TMEM200C: variants seen among roughly 807,000 people sequenced by gnomAD.
TMEM200C encodes transmembrane protein TTMA.
For synonymous variants in TMEM200C, 462 were observed against 324.7 expected, an observed-to-expected ratio of 1.42 and a Z score of -4.55; for missense variants, 966 against 699.9, an observed-to-expected ratio of 1.38 and a Z score of -4.29.
chr18:5,891,173 C>A lies in TMEM200C; in HGVS notation c.891G>T (p.Arg297=). ...CCAGGTCCGGCGGGGACGCGGCGCC[C>A]CGAGGGCGGCCGCCGCTCGGCGCCG... is the stretch of plus-strand genomic sequence containing the variant. Residue 297 remains arginine (R), a synonymous_variant, in exon 3 of 3, where the codon CGG becomes CGT. Coordinates refer to ENST00000581347, the Ensembl canonical transcript of TMEM200C. The surrounding 1 kb of genome is among the most constrained non-coding windows in gnomAD (Gnocchi z 4.7). 1.5e-6 allele frequency: 1 copy of A among 687,732 alleles called. No individual in the cohort carries two copies. Among genetic ancestry groups the A allele is most frequent in the African/African-American group, 1.9e-5 (1 of 53,130 alleles). The allele number at this position is 687,732 out of a possible 1,614,324, so 42.6% of individuals were successfully genotyped here.
At chr18:5,883,905 A>G (rs2095163503) in exon 3 of TMEM200C, 2 of 152,168 alleles carry the variant, frequency 1.3e-5, no homozygotes, top group Non-Finnish European at 2.9e-5. Flanking sequence ...ATTTTAAAGC[A>G]ATGTATAATT....
Position 5,895,091 on chromosome 18 carries a change from T to C in TMEM200C, c.-156A>G, listed in dbSNP as rs1599528682. 2 of 151,904 alleles carry C rather than the reference T, an allele frequency of 1.3e-5. No homozygotes were observed. The highest frequency in any genetic ancestry group is 2.1e-4 in the South Asian group (1 of 4,818). 9.4% of individuals were successfully genotyped at this position (151,904 alleles called of 1,614,324 possible). ...GCGCTCGGGCGACACAAAGGAACCA[T>C]GGAGAAACTTTTTCAGCCCGAGCCG... On this transcript the variant is annotated 5_prime_UTR_variant, in exon 2 of 3. An upstream start codon of the reference 5' UTR is lost. Coordinates refer to ENST00000581347, the Ensembl canonical transcript of TMEM200C.
exon 3 of TMEM200C, chr18:5,887,336 A>G (rs2144437214): frequency 1.3e-5 from 2 of 152,012 alleles, no homozygotes; most frequent in South Asian, 4.1e-4. Context: ...GTCACTTACA[A>G]AAAAACTTGT....
exon 3 of TMEM200C, chr18:5,883,122 T>C (rs1472971921): frequency 2.0e-5 from 3 of 152,118 alleles, no homozygotes; most frequent in Non-Finnish European, 2.9e-5. Context: ...ACTGATGATA[T>C]CTATTAAATT....
Position 5,891,609 on chromosome 18 carries a change from A to G in TMEM200C, c.455T>C (p.Phe152Ser). Residue 152 changes from phenylalanine (F) to serine (S), a missense_variant, in exon 3 of 3, where the codon TTC (phenylalanine) becomes TCC (serine). Coordinates refer to ENST00000581347, the Ensembl canonical transcript of TMEM200C. This position sits in a 1 kb window ranked among gnomAD's most constrained non-coding sequence, Gnocchi z 4.7. ...CAGGTAGCCAGAGAAGATGCGGAAG[A>G]AGAAGCCCACGGACGTGGAGGAGGA... 1 of 1,613,790 alleles carries G rather than the reference A, an allele frequency of 6.2e-7. No homozygotes were observed. Among genetic ancestry groups the G allele is most frequent in the South Asian group, 1.1e-5 (1 of 91,074 alleles).
At chr18:5,889,115 T>C (rs746908246) in exon 3 of TMEM200C, 2 of 152,362 alleles carry the variant, frequency 1.3e-5, no homozygotes, top group South Asian at 2.1e-4. Context: ...TAATCAGTGA[T>C]AGCCAAGAGG....
exon 3 of TMEM200C, chr18:5,883,590 GAT>G (rs1327440094): frequency 6.6e-6 from 1 of 152,100 alleles, no homozygotes; most frequent in African/African-American, 2.4e-5. Context: ...CAAAAAAACG[GAT>G]GTTTATTATT....
Position 5,890,745 on chromosome 18 carries a change from T to A in TMEM200C, c.1319A>T (p.Glu440Val), listed in dbSNP as rs1321542255. The A allele has an allele frequency of 1.5e-5, 9 of 594,322 alleles. No individual in the cohort carries two copies. The South Asian group carries it at 1.7e-4, about 11-fold the overall frequency. 36.8% of individuals were successfully genotyped at this position (594,322 alleles called of 1,614,324 possible). A position where few individuals can be genotyped will look rare whatever the true frequency, so the allele number is the denominator to read the frequency against. ...CGCCGCTACCGCGCCCTCGGGCTCC[T>A]CCGGCTCCCGGCGCGCCCCGCGCAT... The change falls in exon 3 of 3, where the codon GAG becomes GTG. Residue 440 changes from glutamate to valine, a missense_variant. Physicochemically the swap from Glu to Val is moderately radical, Grantham distance 121. Transcript: ENST00000581347.
At chr18:5,892,227 C>A in intron 2 of TMEM200C, 70 bp from the exon 2 acceptor site, 1 of 698,092 alleles carries the variant, frequency 1.4e-6, no homozygotes, top group Non-Finnish European at 2.4e-6. Flanking sequence ...TGCAGCTGCC[C>A]TACTCCCAGA....
intron 2 of TMEM200C, among the ~76,000 whole-genome samples, chr18:5,892,482 A>C (rs1291676407): frequency 6.6e-6 from 1 of 152,322 alleles, no homozygotes; most frequent in East Asian, 1.9e-4. Context: ...GTTTGAAATG[A>C]ACAATGGAGT....
Position 5,891,367 on chromosome 18 carries a change from A to G in TMEM200C, c.697T>C (p.Ser233Pro). 2 of 1,350,022 alleles carry G rather than the reference A, an allele frequency of 1.5e-6. No individual in the cohort carries two copies. Among genetic ancestry groups the G allele is most frequent in the Non-Finnish European group, 1.9e-6 (2 of 1,055,206 alleles). 83.6% of individuals were successfully genotyped at this position (1,350,022 alleles called of 1,614,324 possible). Reference sequence around the variant, plus strand: ...GGCGCCGCGGCGGGGGCAGACGACGACGAAGAGGCGGCGGCGGCCGCGGCG... The same window carrying G: ...GGCGCCGCGGCGGGGGCAGACGACGGCGAAGAGGCGGCGGCGGCCGCGGCG... Residue 233 changes from serine (S) to proline (P), a missense_variant, in exon 3 of 3, where the codon TCG (serine) becomes CCG (proline). Physicochemically the swap from Ser to Pro is moderately conservative, Grantham distance 74. Transcript: ENST00000581347. This position sits in a 1 kb window ranked among gnomAD's most constrained non-coding sequence, Gnocchi z 4.7.
At chr18:5,892,313 C>G (rs942521950) in intron 2 of TMEM200C, among the ~76,000 whole-genome samples, 156 bp from the exon 2 acceptor site, 2 of 152,130 alleles carry the variant, frequency 1.3e-5, no homozygotes, top group African/African-American at 4.8e-5. Flanking sequence ...GAGGCTGGAG[C>G]CAGGTAGACA....
rs28656885 is a variant in TMEM200C at position 5,891,638 on chromosome 18, C to G, written c.426G>C (p.Pro142=). 1 of 1,613,426 alleles carries G rather than the reference C, an allele frequency of 6.2e-7. No individual in the cohort carries two copies. Among genetic ancestry groups the G allele is most frequent in the East Asian group, 2.2e-5 (1 of 44,786 alleles). The change falls in exon 3 of 3, where the codon CCG becomes CCC. Residue 142 remains proline, a synonymous_variant. Coordinates refer to ENST00000581347, the Ensembl canonical transcript of TMEM200C. The surrounding 1 kb of genome is among the most constrained non-coding windows in gnomAD (Gnocchi z 4.7). ...AGCCCACGGACGTGGAGGAGGAGGA[C>G]GGGGAGGCGGCTCGTGCTGGAGGCG...
At chr18:5,887,261 G>A (rs1262765966) in exon 3 of TMEM200C, 1 of 151,942 alleles carries the variant, frequency 6.6e-6, no homozygotes, top group Non-Finnish European at 1.5e-5. Flanking sequence ...AAAGGTGGGG[G>A]GATTCTATCA....
chr18:5,887,815 G>A (rs1448463500), exon 3 of TMEM200C: 1 of 152,156 alleles, frequency 6.6e-6, no homozygotes, highest in African/African-American at 2.4e-5. Context: ...TTCCTCTGAA[G>A]TCTAAAGAAA....
intron 2 of TMEM200C, among the ~76,000 whole-genome samples, chr18:5,894,757 T>C (rs1044113885): frequency 6.6e-6 from 1 of 152,182 alleles, no homozygotes; most frequent in Non-Finnish European, 1.5e-5. Context: ...TTTGGTCTGC[T>C]TATTGATGTT....
exon 3 of TMEM200C, chr18:5,887,467 A>C (rs2095166234): frequency 6.6e-6 from 1 of 152,156 alleles, no homozygotes; most frequent in Non-Finnish European, 1.5e-5. Context: ...AGAATATATA[A>C]AGTATTTTGA....
At chr18:5,890,131 T>C in exon 3 of TMEM200C, 1 of 1,437,192 alleles carries the variant, frequency 7.0e-7, no homozygotes, top group Non-Finnish European at 9.3e-7. Context: ...AGGGACCTGT[T>C]AATGCACTGA....
exon 3 of TMEM200C, chr18:5,890,553 G>A (rs2095169294): frequency 2.1e-6 from 3 of 1,441,758 alleles, no homozygotes; most frequent in South Asian, 1.6e-5. Context: ...CGAGGGGGAG[G>A]CGGCCTTGGC....
Sources: allele counts gnomAD v4.1 joint callset (sites outside exome capture counted in the v4.1 genomes callset), GRCh38; gene constraint gnomAD v4.1.1; non-coding constraint Gnocchi (gnomAD v3.1); transcripts MANE v1.5; gene names NCBI Gene and HGNC (gene_info 2026-07-23, HGNC 2026-07-21).